Variants in TBC1D22A observed in about 807,000 individuals in gnomAD.
TBC1D22A encodes the protein TBC1 domain family member 22A, also known as putative GTPase activator.
A neutral mutation model predicts 60.2 loss-of-function variants in TBC1D22A; 38 were observed. The ratio of observed to expected loss-of-function variants is 0.63; its 90% confidence interval spans 0.49 to 0.83. TBC1D22A has a LOEUF of 0.83. Among genes scored for constraint, TBC1D22A ranks in the 40% least tolerant of loss-of-function variants. The pLI is 0.00. For missense variants in TBC1D22A, 628 were observed against 701.0 expected (o/e 0.90, Z 1.18); for synonymous variants, 302 against 281.7 (o/e 1.07, Z -0.72).
intron 12 of TBC1D22A, among the ~76,000 whole-genome samples, chr22:47,119,730 C>G (rs901759420): frequency 6.6e-6 from 1 of 152,026 alleles, no homozygotes; most frequent in Non-Finnish European, 1.5e-5. Context: ...CTCCTGACCT[C>G]GTAATCCGCC....
chr22:47,109,962 A>G (rs982960120), intron 11 of TBC1D22A, among the ~76,000 whole-genome samples: 1 of 152,016 alleles, frequency 6.6e-6, no homozygotes, highest in African/African-American at 2.4e-5. Context: ...ATCCATTCTC[A>G]GAGTGACAGT....
At chr22:47,117,721 A>C (rs764530668) in intron 12 of TBC1D22A, among the ~76,000 whole-genome samples, 2 of 152,238 alleles carry the variant, frequency 1.3e-5, no homozygotes. Flanking sequence ...TGATCTGTGC[A>C]CTTTCCTGTC....
At chr22:47,049,337 G>C (rs2063133341) in intron 11 of TBC1D22A, among the ~76,000 whole-genome samples, 1 of 152,246 alleles carries the variant, frequency 6.6e-6, no homozygotes, top group Non-Finnish European at 1.5e-5. Context: ...AGAAGAAGCG[G>C]GCATGGGCGC....
rs757282399 is a variant in TBC1D22A at position 46,912,181 on chromosome 22, A to G, written c.1008A>G (p.Glu336=). ...CTTTCTTTGTGGTCTTCATTTGTGA[A>G]TACATAGGTAAGATTTCTTGCAAAC... ...VTPFFVVFIC[E]YIEAEEVDTV... is the part of the protein sequence containing the mutation. Residue 336 remains glutamate (E), a synonymous_variant, in exon 8 of 13, where the codon GAA becomes GAG. Coordinates refer to ENST00000337137, the MANE Select transcript of TBC1D22A (RefSeq NM_014346.5). 2 of 1,611,120 alleles carry G rather than the reference A, an allele frequency of 1.2e-6. No homozygotes were observed. Among genetic ancestry groups the G allele is most frequent in the African/African-American group, 2.7e-5 (2 of 74,990 alleles).
At chr22:46,832,691 T>G (rs1382133237) in intron 4 of TBC1D22A, among the ~76,000 whole-genome samples, 1 of 152,234 alleles carries the variant, frequency 6.6e-6, no homozygotes, top group African/African-American at 2.4e-5. Flanking sequence ...TAAAATATTT[T>G]AATAAAAATA....
intron 11 of TBC1D22A, among the ~76,000 whole-genome samples, chr22:47,055,910 C>CTGAGGGTTGGTGAGATACGCCAT (rs2063379295): frequency 1.3e-5 from 2 of 151,784 alleles, no homozygotes; most frequent in African/African-American, 2.4e-5. Flanking sequence ...AGATACGCCA[C>CTGAGGGTTGGTGAGATACGCCAT]TGAGGGTTGG....
At chr22:47,010,283 C>G (rs2061715800) in intron 10 of TBC1D22A, among the ~76,000 whole-genome samples, 6 of 152,170 alleles carry the variant, frequency 3.9e-5, no homozygotes, top group Admixed American at 3.9e-4. Flanking sequence ...AGCCGAGAAG[C>G]AGAGGATAAA....
intron 11 of TBC1D22A, among the ~76,000 whole-genome samples, chr22:47,096,544 G>T (rs990958707): frequency 6.6e-6 from 1 of 152,124 alleles, no homozygotes; most frequent in African/African-American, 2.4e-5. Context: ...TTTGTTGGCC[G>T]GGCACGGTGG....
intron 8 of TBC1D22A, among the ~76,000 whole-genome samples, chr22:46,917,431 G>T (rs969615002): frequency 6.6e-6 from 1 of 152,174 alleles, no homozygotes; most frequent in African/African-American, 2.4e-5. Flanking sequence ...TGCTGTGAGG[G>T]CACCAAGGTG....
At chr22:47,004,685 C>A (rs2061522777) in intron 10 of TBC1D22A, among the ~76,000 whole-genome samples, 7 of 146,534 alleles carry the variant, frequency 4.8e-5, no homozygotes, top group Admixed American at 4.7e-4. Flanking sequence ...TACACACATG[C>A]CTATATACAC....
intron 8 of TBC1D22A, among the ~76,000 whole-genome samples, chr22:46,941,664 G>GTGGATTATATATA (rs2072117371): frequency 1.3e-5 from 1 of 77,536 alleles, no homozygotes; most frequent in Admixed American, 1.5e-4. Flanking sequence ...ATATATATAC[G>GTGGATTATATATA]CGGAATATAT....
intron 9 of TBC1D22A, among the ~76,000 whole-genome samples, chr22:46,991,551 G>A (rs903536325): frequency 1.3e-5 from 2 of 152,212 alleles, no homozygotes; most frequent in East Asian, 3.8e-4. Context: ...GGACAGTTGG[G>A]GTTCACTTTG....
intron 10 of TBC1D22A, among the ~76,000 whole-genome samples, chr22:47,001,874 G>A (rs2061421210): frequency 1.3e-5 from 2 of 152,100 alleles, no homozygotes; most frequent in Admixed American, 1.3e-4. Context: ...GTTAGAATAG[G>A]GCATGTGTCC....
At chr22:46,947,250 G>C (rs1005545640) in intron 8 of TBC1D22A, among the ~76,000 whole-genome samples, 2 of 152,180 alleles carry the variant, frequency 1.3e-5, no homozygotes, top group Non-Finnish European at 2.9e-5. Flanking sequence ...TTGTTGTTTG[G>C]ACATGGTTCT....
intron 4 of TBC1D22A, among the ~76,000 whole-genome samples, chr22:46,818,357 T>C (rs2085688432): frequency 6.6e-6 from 1 of 152,254 alleles, no homozygotes; most frequent in African/African-American, 2.4e-5. Flanking sequence ...GCCTAGGTTT[T>C]CTTCTAGGGT....
chr22:46,905,373 C>T (rs759567366), intron 7 of TBC1D22A, among the ~76,000 whole-genome samples: 2 of 152,332 alleles, frequency 1.3e-5, no homozygotes, highest in African/African-American at 2.4e-5. Flanking sequence ...GAGTTGGCTT[C>T]ATAGCTTGCC....
At chr22:47,125,846 G>A (rs1295957609) in intron 12 of TBC1D22A, among the ~76,000 whole-genome samples, 1 of 152,238 alleles carries the variant, frequency 6.6e-6, no homozygotes, top group Non-Finnish European at 1.5e-5. Flanking sequence ...GGGGCTCCTG[G>A]AGCAGCCAAC....
intron 1 of TBC1D22A, among the ~76,000 whole-genome samples, chr22:46,791,766 T>A (rs867948968): frequency 6.6e-6 from 1 of 152,156 alleles, no homozygotes; most frequent in South Asian, 2.1e-4. Flanking sequence ...AACTGTTAAG[T>A]CTTTTTCTTT....
intron 6 of TBC1D22A, among the ~76,000 whole-genome samples, chr22:46,893,383 G>T (rs6009024): frequency 3.3e-5 from 5 of 152,156 alleles, no homozygotes; most frequent in Non-Finnish European, 7.3e-5. Flanking sequence ...AGCCCCACCT[G>T]CCCAGCCTTG....
Sources: gnomAD v4.1 joint callset for allele counts (sites outside exome capture counted in the v4.1 genomes callset) on GRCh38, gnomAD v4.1.1 for gene constraint, MANE v1.5 for transcripts, NCBI Gene and HGNC (gene_info 2026-07-23, HGNC 2026-07-21) for gene names.